Variants in TNNT2 observed in about 807,000 individuals in gnomAD.
TNNT2 encodes the protein troponin T, cardiac muscle.
Under a neutral mutation model 62.4 loss-of-function variants are expected in TNNT2, and 34 were observed. That is an observed-to-expected ratio of 0.54 (90% CI 0.41 to 0.72). The LOEUF (loss-of-function observed/expected upper bound fraction) is 0.72, where lower values mean the gene tolerates loss of function less well. Ranked by LOEUF, TNNT2 falls within the 30% of genes least tolerant of loss-of-function variation. The pLI, the probability that TNNT2 is intolerant of heterozygous loss-of-function variation, is 0.00. For synonymous variants in TNNT2, 123 were observed against 127.2 expected, an observed-to-expected ratio of 0.97 and a Z score of 0.22; for missense variants, 275 against 381.9, an observed-to-expected ratio of 0.72 and a Z score of 2.33.
chr1:201,370,170 G>C (rs1381614063), intron 4 of TNNT2, among the ~76,000 whole-genome samples: 2 of 152,234 alleles, frequency 1.3e-5, no homozygotes, highest in African/African-American at 4.8e-5. Flanking sequence ...TGTGGTAACT[G>C]CAATGCCTCT....
chr1:201,365,443 G>C, intron 9 of TNNT2, 136 bp from the exon 10 acceptor site: 1 of 1,186,860 alleles, frequency 8.4e-7, no homozygotes, highest in South Asian at 1.2e-5. Context: ...AGGGGTAACT[G>C]TGGCCTGAAC....
chr1:201,369,472 C>A, intron 5 of TNNT2: 1 of 488,696 alleles, frequency 2.0e-6, no homozygotes, highest in Non-Finnish European at 4.2e-6. Flanking sequence ...CTGGGGTGTG[C>A]GCGGGGGCAG....
Position 201,361,972 on chromosome 1 carries a change from C to A in TNNT2, c.660G>T (p.Lys220Asn). Residue 220 changes from lysine to asparagine, a missense_variant, in exon 14 of 17, where the codon AAG becomes AAT. Transcript: ENST00000656932. ...GCACCTTCCTCCTCTCAGCCAGAAT[C>A]TTCTTCTTCTTTTCCCGCTCAGTCT... is the stretch of plus-strand genomic sequence containing the variant. Reference protein sequence around the residue: ...KRQTEREKKKKILAERRKVLA... With the variant: ...KRQTEREKKKNILAERRKVLA... 6.2e-7 allele frequency: 1 copy of A among 1,614,062 alleles called. No individual in the cohort carries two copies. Among genetic ancestry groups the A allele is most frequent in the Non-Finnish European group, 8.5e-7 (1 of 1,179,904 alleles).
chr1:201,367,879 G>A, intron 6 of TNNT2, 73 bp from the exon 7 acceptor site: 1 of 1,567,278 alleles, frequency 6.4e-7, no homozygotes, highest in South Asian at 1.1e-5. Context: ...ACCAGCAAGA[G>A]CCTTCCCCAC....
At chr1:201,366,566 T>A in intron 8 of TNNT2, 4 of 1,349,052 alleles carry the variant, frequency 3.0e-6, no homozygotes, top group Non-Finnish European at 3.8e-6. Flanking sequence ...GAGAGGAGAG[T>A]GTCCGTTCAG....
At chr1:201,361,164 G>T (rs1658548964) in intron 15 of TNNT2, 115 bp downstream of exon 15, 1 of 966,404 alleles carries the variant, frequency 1.0e-6, no homozygotes. Flanking sequence ...GAGCTGAAGG[G>T]GGCTGTTGGG....
chr1:201,366,563 G>T (rs978363132), intron 8 of TNNT2: 4 of 1,350,746 alleles, frequency 3.0e-6, no homozygotes, highest in Non-Finnish European at 2.9e-6. Flanking sequence ...TGAGAGAGGA[G>T]AGTGTCCGTT....
chr1:201,370,869 C>T (rs981153961), intron 4 of TNNT2, among the ~76,000 whole-genome samples: 1 of 152,266 alleles, frequency 6.6e-6, no homozygotes, highest in African/African-American at 2.4e-5. Context: ...TATCAAGAGT[C>T]TGTTCAGGGA....
chr1:201,359,360 G>C (rs980974970), intron 16 of TNNT2, 105 bp from the exon 17 acceptor site: 219 of 1,418,678 alleles, frequency 1.5e-4, no homozygotes, highest in Non-Finnish European at 2.0e-4. Context: ...GAGCAGGCTG[G>C]AGCTGCCTCC....
rs531942129 is a variant in TNNT2, at chr1:201,366,403, G to A, written c.233+435C>T. On this transcript the variant is annotated intron_variant, in intron 8 of 16. Coordinates refer to ENST00000656932, the MANE Select transcript of TNNT2 (RefSeq NM_001276345.2). ...CACCACCTTCAGGTGGGCTTCACGT[G>A]TGTGGCACCAAGCCGTCCTGCCCTC... The A allele has an allele frequency of 2.2e-5, 24 of 1,077,010 alleles. No homozygotes were observed. In the African/African-American group the frequency reaches 3.8e-4, roughly 17 times the overall value. 66.7% of individuals were successfully genotyped at this position (1,077,010 alleles called of 1,614,324 possible).
rs1192064321 is a variant in TNNT2 at position 201,362,033 on chromosome 1, T to C, written c.610-11A>G. The C allele has an allele frequency of 1.9e-6, 3 of 1,613,970 alleles. No individual in the cohort carries two copies. Among genetic ancestry groups the C allele is most frequent in the Non-Finnish European group, 2.5e-6 (3 of 1,179,856 alleles). The stretch of plus-strand genomic sequence containing the variant: ...ACTTTTCCGCTCTGTCTGGAGGGTG[T>C]GGGAAGCAGAGTAAACTGGCCAGAT... On this transcript the variant is annotated splice_polypyrimidine_tract_variant and intron_variant, in intron 13 of 16. Coordinates refer to ENST00000656932, the MANE Select transcript of TNNT2 (RefSeq NM_001276345.2).
At chr1:201,369,769 G>T in intron 5 of TNNT2, 47 bp downstream of exon 5, 4 of 1,612,730 alleles carry the variant, frequency 2.5e-6, no homozygotes, top group South Asian at 1.1e-5. Flanking sequence ...GGCTGCACTT[G>T]GGACAGCAGG....
Position 201,359,075 on chromosome 1 carries a change from G to T in TNNT2, c.*135C>A. 8.9e-7 allele frequency: 1 copy of T among 1,120,392 alleles called. No individual in the cohort carries two copies. The highest frequency in any genetic ancestry group is 1.3e-6 in the Non-Finnish European group (1 of 759,110). The allele number at this position is 1,120,392 out of a possible 1,614,324, so 69.4% of individuals were successfully genotyped here. On this transcript the variant is annotated 3_prime_UTR_variant, in exon 17 of 17. Coordinates refer to ENST00000656932, the MANE Select transcript of TNNT2 (RefSeq NM_001276345.2). ...GGGTGTGGGGGCAGGCAGGAGTGGTGGCTCCCACCTAGGCCAGCTCCCCAT... is the reference window on the plus strand; with the variant it reads ...GGGTGTGGGGGCAGGCAGGAGTGGTTGCTCCCACCTAGGCCAGCTCCCCAT...
chr1:201,366,787 T>C (rs1659731661), intron 8 of TNNT2, 51 bp downstream of exon 8: 1 of 1,613,616 alleles, frequency 6.2e-7, no homozygotes, highest in African/African-American at 1.3e-5. Context: ...ATCATCATCC[T>C]CTCTCCCTGA....
In TNNT2 at chr1:201,365,676, G is replaced by A; in HGVS notation, c.234-6C>T. 6.2e-7 allele frequency: 1 copy of A among 1,613,706 alleles called. No homozygotes were observed. The highest frequency in any genetic ancestry group is 1.7e-4 in the Middle Eastern group (1 of 6,060). On this transcript the variant is annotated splice_region_variant and splice_polypyrimidine_tract_variant and intron_variant, in intron 8 of 16. Coordinates refer to ENST00000656932, the MANE Select transcript of TNNT2 (RefSeq NM_001276345.2). ...CCAAGTTGGGCATGAACGACCTGTTGGAGAGAGGAATAGTCAGCATCAGCC... is the reference window on the plus strand; with the variant it reads ...CCAAGTTGGGCATGAACGACCTGTTAGAGAGAGGAATAGTCAGCATCAGCC...
intron 16 of TNNT2, 127 bp downstream of exon 16, chr1:201,359,496 C>T (rs1658190996): frequency 3.7e-6 from 4 of 1,093,790 alleles, no homozygotes; most frequent in African/African-American, 1.6e-5. Flanking sequence ...GAGAAGGAAA[C>T]CTGTGGGCTG....
intron 4 of TNNT2, among the ~76,000 whole-genome samples, chr1:201,370,975 C>T (rs1400677198): frequency 1.3e-5 from 2 of 152,206 alleles, no homozygotes; most frequent in Non-Finnish European, 2.9e-5. Context: ...CCAAAAAAGA[C>T]GCCTGTGGCC....
At chr1:201,373,111 A>G (rs1410926305) in intron 2 of TNNT2, 103 bp downstream of exon 2, 2 of 1,168,900 alleles carry the variant, frequency 1.7e-6, no homozygotes, top group African/African-American at 1.5e-5. Flanking sequence ...ACACACAGCT[A>G]CTTCTACCCA....
intron 1 of TNNT2, among the ~76,000 whole-genome samples, chr1:201,376,637 T>C (rs1156231988): frequency 6.6e-6 from 1 of 152,156 alleles, no homozygotes; most frequent in African/African-American, 2.4e-5. Context: ...AAAAGGAATT[T>C]GGGAGGGCAG....
Sources: allele counts gnomAD v4.1 joint callset (sites outside exome capture counted in the v4.1 genomes callset), GRCh38; gene constraint gnomAD v4.1.1; transcripts MANE v1.5; gene names NCBI Gene and HGNC (gene_info 2026-07-23, HGNC 2026-07-21).